SRBD1: variants seen among roughly 807,000 people sequenced by gnomAD.
The protein encoded by SRBD1 is S1 RNA binding domain 1, also known as S1 RNA-binding domain-containing protein 1.
In SRBD1, 88 loss-of-function variants were observed where a neutral mutation model predicts 115.3. The ratio of observed to expected loss-of-function variants is 0.76; its 90% CI spans 0.64 to 0.91. The LOEUF is 0.91. SRBD1 is among the 40% of genes least tolerant of loss of function. The probability of loss-of-function intolerance (pLI) is 0.00; values close to 1 mark genes in which losing one functional copy is unlikely to be tolerated. For synonymous variants in SRBD1, 509 were observed against 407.7 expected (o/e 1.25, Z -2.99); for missense variants, 1,385 against 1,177.4 (o/e 1.18, Z -2.58).
Position 45,585,701 on chromosome 2 carries a change from G to C in SRBD1, c.722C>G (p.Thr241Arg), listed in dbSNP as rs991325339. Reference protein sequence around the residue: ...NIIRLFNDDNTIPFIIRYRKE... With the variant: ...NIIRLFNDDNRIPFIIRYRKE... ...TCTATAACGTATAATGAAGGGAATT[G>C]TGTTATCATCATTAAAGAGACGAAT... is the stretch of plus-strand genomic sequence containing the variant. The change falls in exon 5 of 21, where the codon ACA (threonine) becomes AGA (arginine). Residue 241 changes from threonine (T) to arginine (R), a missense_variant. Coordinates refer to ENST00000263736, the MANE Select transcript of SRBD1 (RefSeq NM_018079.5). 8 of 1,612,560 alleles carry C rather than the reference G, an allele frequency of 5.0e-6. No homozygotes were observed. Among genetic ancestry groups the C allele is most frequent in the African/African-American group, 2.7e-5 (2 of 74,788 alleles).
chr2:45,551,609 TG>T (rs1332669180), intron 11 of SRBD1, among the ~76,000 whole-genome samples: 3 of 152,048 alleles, frequency 2.0e-5, no homozygotes, highest in Admixed American at 2.0e-4. Flanking sequence ...GAATGTCACA[TG>T]GGATGCAAAC....
chr2:45,391,356 C>T (rs1489422926), intron 20 of SRBD1, among the ~76,000 whole-genome samples: 1 of 152,104 alleles, frequency 6.6e-6, no homozygotes, highest in Non-Finnish European at 1.5e-5. Flanking sequence ...AAATTAATTA[C>T]ACCATTGACA....
At chr2:45,457,589 G>A (rs1321059169) in intron 16 of SRBD1, among the ~76,000 whole-genome samples, 1 of 151,908 alleles carries the variant, frequency 6.6e-6, no homozygotes, top group Non-Finnish European at 1.5e-5. Flanking sequence ...ATCTTGCCTT[G>A]ATACTAACTG....
At position 45,599,764 on chromosome 2, in the gene SRBD1, C is replaced by CA; in HGVS notation, c.332dup (p.Lys112GlufsTer20). 1 of 1,614,174 alleles carries CA rather than the reference C, an allele frequency of 6.2e-7. No homozygotes were observed. Among genetic ancestry groups the CA allele is most frequent in the African/African-American group, 1.3e-5 (1 of 75,030 alleles). On this transcript the variant is annotated frameshift_variant, in exon 4 of 21. Coordinates refer to ENST00000263736, the MANE Select transcript of SRBD1 (RefSeq NM_018079.5). LOFTEE classifies it high-confidence loss of function. ...ATTTCTGTTTTGTCTTGGCTGTTTTCAGAGTCTGTACAGTATCCAATTTAT... is the reference window on the plus strand; with the variant it reads ...ATTTCTGTTTTGTCTTGGCTGTTTTCAAGAGTCTGTACAGTATCCAATTTAT...
intron 16 of SRBD1, among the ~76,000 whole-genome samples, chr2:45,442,297 C>T (rs377411837): frequency 1.3e-4 from 20 of 152,158 alleles, no homozygotes; most frequent in Middle Eastern, 3.2e-3. Context: ...CAACAGCATA[C>T]GTTGGTACAG....
chr2:45,492,583 C>T (rs1039862680), intron 14 of SRBD1, among the ~76,000 whole-genome samples: 7 of 152,114 alleles, frequency 4.6e-5, no homozygotes, highest in South Asian at 2.1e-4. Context: ...GGACTACAGG[C>T]GCCCGCCACC....
chr2:45,420,367 A>T (rs1667959028), intron 16 of SRBD1, among the ~76,000 whole-genome samples: 1 of 152,214 alleles, frequency 6.6e-6, no homozygotes, highest in Non-Finnish European at 1.5e-5. Context: ...ACATGTTATA[A>T]TAGGAAGCAG....
chr2:45,488,860 GAA>G (rs928260887), intron 14 of SRBD1, among the ~76,000 whole-genome samples: 2 of 142,842 alleles, frequency 1.4e-5, no homozygotes, highest in African/African-American at 2.6e-5. Context: ...ACCACAACAT[GAA>G]AAAAAAAAAG....
intron 16 of SRBD1, among the ~76,000 whole-genome samples, chr2:45,446,964 A>G (rs917905622): frequency 6.6e-6 from 1 of 152,194 alleles, no homozygotes; most frequent in African/African-American, 2.4e-5. Context: ...TTTACTTCCT[A>G]TACACCTCCA....
At chr2:45,433,615 G>A (rs1668402858) in intron 16 of SRBD1, among the ~76,000 whole-genome samples, 1 of 152,140 alleles carries the variant, frequency 6.6e-6, no homozygotes. Flanking sequence ...GGAAACATTT[G>A]AGAAAACAGT....
At chr2:45,481,294 A>C (rs1281195058) in intron 15 of SRBD1, among the ~76,000 whole-genome samples, 1 of 152,118 alleles carries the variant, frequency 6.6e-6, no homozygotes. Context: ...CGGCAAGATA[A>C]TCAAGAATGC....
At chr2:45,439,513 T>C (rs1049174473) in intron 16 of SRBD1, among the ~76,000 whole-genome samples, 3 of 150,636 alleles carry the variant, frequency 2.0e-5, no homozygotes, top group African/African-American at 7.3e-5. Context: ...GTAACCACTT[T>C]AAAAAAAATG....
At chr2:45,604,571 T>G (rs1674207409) in intron 2 of SRBD1, among the ~76,000 whole-genome samples, 1 of 152,198 alleles carries the variant, frequency 6.6e-6, no homozygotes, top group African/African-American at 2.4e-5. Context: ...CACACTGGTC[T>G]TCTTGCTGTT....
At chr2:45,399,472 T>A (rs1667235549) in intron 19 of SRBD1, among the ~76,000 whole-genome samples, 1 of 152,092 alleles carries the variant, frequency 6.6e-6, no homozygotes, top group African/African-American at 2.4e-5. Flanking sequence ...TTTAATTATC[T>A]CAAATATTTA....
At chr2:45,605,965 T>TA (rs1448048821) in intron 1 of SRBD1, among the ~76,000 whole-genome samples, 4 of 151,308 alleles carry the variant, frequency 2.6e-5, no homozygotes, top group Non-Finnish European at 5.9e-5. Flanking sequence ...TTAAAACTCT[T>TA]AAGAGTATGG....
At chr2:45,482,359 G>T (rs73927510) in intron 15 of SRBD1, among the ~76,000 whole-genome samples, 6,838 of 151,996 alleles carry the variant, frequency 0.045, 482 homozygotes, top group African/African-American at 0.15. Flanking sequence ...AAAAATAACA[G>T]AACTAATAAG....
chr2:45,559,201 A>T (rs1304763466), intron 10 of SRBD1, among the ~76,000 whole-genome samples: 8 of 152,102 alleles, frequency 5.3e-5, no homozygotes, highest in Admixed American at 4.6e-4. Context: ...AATTATCTAC[A>T]CTGTGGCCTG....
chr2:45,492,688 C>T (rs1474202290), intron 14 of SRBD1, among the ~76,000 whole-genome samples: 1 of 152,156 alleles, frequency 6.6e-6, no homozygotes, highest in Non-Finnish European at 1.5e-5. Context: ...ATCCGCCTGC[C>T]TCGGCCTCCC....
At chr2:45,584,449 C>CT (rs1485841837) in intron 5 of SRBD1, among the ~76,000 whole-genome samples, 1 of 152,212 alleles carries the variant, frequency 6.6e-6, no homozygotes. Flanking sequence ...CATATTAGCA[C>CT]TTTAATTCTC....
Sources: gnomAD v4.1 joint callset for allele counts (sites outside exome capture counted in the v4.1 genomes callset) on GRCh38, gnomAD v4.1.1 for gene constraint, MANE v1.5 for transcripts, NCBI Gene and HGNC (gene_info 2026-07-23, HGNC 2026-07-21) for gene names.